PIP4K2A: variants seen among roughly 807,000 people sequenced by gnomAD.
PIP4K2A encodes the protein phosphatidylinositol-5-phosphate 4-kinase type 2 alpha.
A neutral mutation model predicts 42.9 loss-of-function variants in PIP4K2A; 14 were observed. That is an observed-to-expected ratio of 0.33 (90% CI 0.22 to 0.51). The LOEUF is 0.51. PIP4K2A is among the 20% of genes least tolerant of loss of function. The probability of loss-of-function intolerance (pLI) is 0.97; values close to 1 mark genes in which losing one functional copy is unlikely to be tolerated. For missense variants in PIP4K2A, 434 were observed against 519.8 expected (o/e 0.83, Z 1.61); for synonymous variants, 192 against 192.2 (o/e 1.00, Z 0.01).
intron 1 of PIP4K2A, among the ~76,000 whole-genome samples, chr10:22,672,438 C>G (rs552988897): frequency 3.7e-4 from 57 of 152,286 alleles, no homozygotes; most frequent in Non-Finnish European, 6.2e-4. Context: ...CTGGATAACA[C>G]GCCCACTTCA....
chr10:22,671,088 A>C (rs981691718), intron 1 of PIP4K2A, among the ~76,000 whole-genome samples: 6 of 152,192 alleles, frequency 3.9e-5, no homozygotes, highest in Non-Finnish European at 8.8e-5. Context: ...TCTTAGTGAA[A>C]AGCCAGGGAA....
chr10:22,638,966 C>G (rs935814553), intron 1 of PIP4K2A, among the ~76,000 whole-genome samples: 2 of 152,160 alleles, frequency 1.3e-5, no homozygotes, highest in Non-Finnish European at 2.9e-5. Context: ...GGTTGGCTAA[C>G]AGTGCCATGA....
chr10:22,600,377 C>T (rs1181645940), intron 3 of PIP4K2A, among the ~76,000 whole-genome samples: 1 of 152,114 alleles, frequency 6.6e-6, no homozygotes, highest in Non-Finnish European at 1.5e-5. Flanking sequence ...CAGCCATCTC[C>T]TCACGGTGGC....
chr10:22,643,446 T>C (rs1564453288), intron 1 of PIP4K2A, among the ~76,000 whole-genome samples: 1 of 152,160 alleles, frequency 6.6e-6, no homozygotes, highest in Non-Finnish European at 1.5e-5. Context: ...TAGATCTGTC[T>C]TAGGAAGGCA....
intron 1 of PIP4K2A, among the ~76,000 whole-genome samples, chr10:22,674,337 G>A (rs530980432): frequency 1.3e-3 from 191 of 143,530 alleles, no homozygotes; most frequent in African/African-American, 4.7e-3. Flanking sequence ...CACTCTTTCC[G>A]TATATACCAG....
chr10:22,700,499 A>G (rs1833693291), intron 1 of PIP4K2A, among the ~76,000 whole-genome samples: 1 of 152,192 alleles, frequency 6.6e-6, no homozygotes, highest in Non-Finnish European at 1.5e-5. Context: ...ACCCGAGAAA[A>G]GCAAGGCAAA....
intron 1 of PIP4K2A, among the ~76,000 whole-genome samples, chr10:22,681,109 A>AT (rs1839651691): frequency 6.6e-6 from 1 of 151,976 alleles, no homozygotes; most frequent in Non-Finnish European, 1.5e-5. Flanking sequence ...ACTGCCCCAG[A>AT]TTTTTTCTTG....
intron 1 of PIP4K2A, among the ~76,000 whole-genome samples, chr10:22,690,390 T>C (rs907976613): frequency 6.6e-6 from 1 of 152,232 alleles, no homozygotes; most frequent in Non-Finnish European, 1.5e-5. Flanking sequence ...CATCGGGACA[T>C]ATTTAAATCA....
intron 1 of PIP4K2A, among the ~76,000 whole-genome samples, chr10:22,701,417 T>A (rs1205205670): frequency 6.6e-6 from 1 of 152,188 alleles, no homozygotes; most frequent in East Asian, 1.9e-4. Flanking sequence ...ACAACACAGC[T>A]TCTACCACAT....
At chr10:22,696,805 T>C (rs1050823978) in intron 1 of PIP4K2A, among the ~76,000 whole-genome samples, 1 of 152,164 alleles carries the variant, frequency 6.6e-6, no homozygotes, top group African/African-American at 2.4e-5. Context: ...AAGTTAAATA[T>C]ATATTATCAT....
At chr10:22,568,899 T>G in intron 5 of PIP4K2A, 2 of 749,322 alleles carry the variant, frequency 2.7e-6, no homozygotes, top group Non-Finnish European at 4.5e-6. Flanking sequence ...CCTCCTGCAC[T>G]GGACACCCCT....
chr10:22,547,685 T>A (rs1022739569), intron 7 of PIP4K2A, among the ~76,000 whole-genome samples: 2 of 152,172 alleles, frequency 1.3e-5, no homozygotes, highest in Non-Finnish European at 2.9e-5. Context: ...AGAACAGTTT[T>A]GCATCATGTG....
chr10:22,562,605 T>G (rs1836739563), intron 6 of PIP4K2A, among the ~76,000 whole-genome samples: 1 of 152,298 alleles, frequency 6.6e-6, no homozygotes, highest in Admixed American at 6.5e-5. Context: ...CTATTACAGT[T>G]TAACAAACGT....
rs991659869 is a variant in PIP4K2A, at chr10:22,677,947, T to C, written c.144+36236A>G. ...GATATAATAGGCCACTAAGGGCTCT[T>C]AAAAAGAATCTAAAAATACGAAAAC... On this transcript the variant is annotated intron_variant, in intron 1 of 9. Transcript: ENST00000376573. Among the ~76,000 whole-genome samples, 18 of 152,266 alleles carry C rather than the reference T, an allele frequency of 1.2e-4. No individual in the cohort carries two copies. In the Middle Eastern group the frequency reaches 0.01, roughly 86 times the overall value.
At chr10:22,705,643 G>A (rs951162891) in intron 1 of PIP4K2A, among the ~76,000 whole-genome samples, 2 of 151,716 alleles carry the variant, frequency 1.3e-5, no homozygotes, top group South Asian at 4.2e-4. Flanking sequence ...ATATGCTGAC[G>A]ATCAACATGT....
intron 1 of PIP4K2A, among the ~76,000 whole-genome samples, chr10:22,662,828 A>G (rs1298715692): frequency 6.6e-6 from 1 of 152,230 alleles, no homozygotes; most frequent in Non-Finnish European, 1.5e-5. Context: ...GTCCCTTCCC[A>G]TAAAATCTGA....
intron 4 of PIP4K2A, among the ~76,000 whole-genome samples, chr10:22,578,416 C>T (rs148273207): frequency 0.011 from 1,697 of 152,210 alleles, 22 homozygotes; most frequent in Non-Finnish European, 0.013. Context: ...GATGCTTCTC[C>T]GCCTTTCTCT....
At chr10:22,655,260 T>G (rs898897496) in intron 1 of PIP4K2A, among the ~76,000 whole-genome samples, 4 of 152,158 alleles carry the variant, frequency 2.6e-5, no homozygotes, top group Non-Finnish European at 5.9e-5. Context: ...GGTCTGAAGA[T>G]TTTTAAGAAA....
chr10:22,551,100 GTCT>G (rs1836400922), intron 6 of PIP4K2A, among the ~76,000 whole-genome samples: 1 of 152,186 alleles, frequency 6.6e-6, no homozygotes, highest in African/African-American at 2.4e-5. Flanking sequence ...CTTACAAGAA[GTCT>G]TCTAAGTATA....
Sources: gnomAD v4.1 joint callset for allele counts (sites outside exome capture counted in the v4.1 genomes callset) on GRCh38, gnomAD v4.1.1 for gene constraint, MANE v1.5 for transcripts, NCBI Gene and HGNC (gene_info 2026-07-23, HGNC 2026-07-21) for gene names.